Variants in PATL2 observed in about 807,000 individuals in gnomAD.
PATL2 encodes the protein PAT1 homolog 2, also known as protein PAT1 homolog 2.
PATL2 carries 73 observed loss-of-function variants against 77.0 expected under a neutral mutation model. The ratio of observed to expected loss-of-function variants is 0.95; its 90% CI spans 0.78 to 1.15. The LOEUF (loss-of-function observed/expected upper bound fraction) is 1.15, where lower values mean the gene tolerates loss of function less well. PATL2 is among the 50% of genes most tolerant of loss of function. PATL2 has a pLI of 0.00. For synonymous variants in PATL2, 265 were observed against 257.1 expected, an observed-to-expected ratio of 1.03 and a Z score of -0.29; for missense variants, 618 against 655.4, an observed-to-expected ratio of 0.94 and a Z score of 0.62.
intron 3 of PATL2, among the ~76,000 whole-genome samples, chr15:44,705,979 T>C (rs1455000800): frequency 6.6e-6 from 1 of 152,068 alleles, no homozygotes; most frequent in Non-Finnish European, 1.5e-5. Flanking sequence ...TTTGTATTTT[T>C]AGTAGAGATA....
chr15:44,698,992 T>C (rs1172625696), intron 3 of PATL2, among the ~76,000 whole-genome samples: 2 of 152,222 alleles, frequency 1.3e-5, no homozygotes, highest in Admixed American at 1.3e-4. Flanking sequence ...TGTCTGATGA[T>C]CAATGATGGT....
chr15:44,669,109 G>A lies in PATL2; in HGVS notation c.1095C>T (p.Leu365=), dbSNP rs2085530438. ...CCAGGGCCTTCCCCTTCCTCACAGA[G>A]AGCACCTGCAGGAAGCCATCTGCTG... is the stretch of plus-strand genomic sequence containing the variant. The part of the protein sequence containing the change: ...EEAADGFLQV[L]SVRKGKALVA... The change falls in exon 14 of 18, where the codon CTC becomes CTT. Residue 365 remains leucine (L), a synonymous_variant. Coordinates refer to ENST00000682850, the MANE Select transcript of PATL2 (RefSeq NM_001387263.1). The A allele has an allele frequency of 6.5e-7, 1 of 1,546,958 alleles. No homozygotes were observed. Among genetic ancestry groups the A allele is most frequent in the African/African-American group, 1.4e-5 (1 of 72,960 alleles).
chr15:44,685,649 G>A (rs971117224), intron 3 of PATL2, among the ~76,000 whole-genome samples: 2 of 151,828 alleles, frequency 1.3e-5, no homozygotes, highest in African/African-American at 4.8e-5. Flanking sequence ...TCAGTGTGCT[G>A]TATTCAGGAG....
chr15:44,671,763 C>T (rs543803928), intron 9 of PATL2, among the ~76,000 whole-genome samples: 4 of 152,260 alleles, frequency 2.6e-5, no homozygotes, highest in African/African-American at 7.2e-5. Flanking sequence ...AAATTCTTAG[C>T]AAAGAGTAGA....
At chr15:44,666,630 C>T (rs1157245894) in intron 16 of PATL2, 89 bp from the exon 17 acceptor site, 2 of 1,330,302 alleles carry the variant, frequency 1.5e-6, no homozygotes, top group African/African-American at 1.5e-5. Context: ...TCCGTTACTA[C>T]TACCATTGTC....
intron 4 of PATL2, 185 bp downstream of exon 4, chr15:44,676,290 G>T: frequency 1.6e-6 from 1 of 620,138 alleles, no homozygotes; most frequent in Non-Finnish European, 2.9e-6. Flanking sequence ...AATTTTACTA[G>T]GTTGGTGAGA....
intron 3 of PATL2, among the ~76,000 whole-genome samples, chr15:44,692,652 T>G (rs2086417801): frequency 6.6e-6 from 1 of 152,160 alleles, no homozygotes; most frequent in Admixed American, 6.5e-5. Context: ...AACACTGAGA[T>G]CAGATGGATA....
intron 3 of PATL2, among the ~76,000 whole-genome samples, 144 bp downstream of exon 3, chr15:44,709,952 A>C (rs577548463): frequency 6.6e-6 from 1 of 152,328 alleles, no homozygotes; most frequent in Admixed American, 6.5e-5. Context: ...AAAAGGGGGA[A>C]AAGGGAGGGA....
At chr15:44,692,330 G>GA (rs982472188) in intron 3 of PATL2, among the ~76,000 whole-genome samples, 3 of 151,900 alleles carry the variant, frequency 2.0e-5, no homozygotes, top group African/African-American at 7.3e-5. Context: ...TTTATAATTA[G>GA]AAAAAATAAA....
chr15:44,671,875 G>A lies in PATL2; in HGVS notation c.657+140C>T, dbSNP rs988977930. 1.3e-4 allele frequency: 135 copies of A among 1,022,818 alleles called. 1 individual carries two copies. Among genetic ancestry groups the A allele is most frequent in the Middle Eastern group, 6.6e-4 (2 of 3,044 alleles). 63.4% of individuals were successfully genotyped at this position (1,022,818 alleles called of 1,614,324 possible). A position where few individuals can be genotyped will look rare whatever the true frequency, so the allele number is the denominator to read the frequency against. ...TTTGGGATGTCAATTTTAGAAATACGGCCCCCATCCTGTAGTGATTCTCTC... is the reference window on the plus strand; with the variant it reads ...TTTGGGATGTCAATTTTAGAAATACAGCCCCCATCCTGTAGTGATTCTCTC... On this transcript the variant is annotated intron_variant, in intron 9 of 17. Coordinates refer to ENST00000682850, the MANE Select transcript of PATL2 (RefSeq NM_001387263.1).
chr15:44,678,777 C>A (rs1595974119), intron 3 of PATL2, among the ~76,000 whole-genome samples: 1 of 152,006 alleles, frequency 6.6e-6, no homozygotes, highest in East Asian at 1.9e-4. Flanking sequence ...GAGACCCCAT[C>A]TCTATTAAAA....
In PATL2 at chr15:44,669,504, T is replaced by C. The variant is rs1244652270; in HGVS notation, c.930+6A>G. ...GGAACTCGTCCCTAAGGAACTGATA[T>C]CTCACCTTCTCAATCCGGTATAATA... On this transcript the variant is annotated splice_donor_region_variant and intron_variant, in intron 12 of 17. Transcript: ENST00000682850. 5 of 1,551,014 alleles carry C rather than the reference T, an allele frequency of 3.2e-6. No homozygotes were observed. Among genetic ancestry groups the C allele is most frequent in the African/African-American group, 1.4e-5 (1 of 73,012 alleles).
intron 3 of PATL2, among the ~76,000 whole-genome samples, chr15:44,689,716 T>C (rs2086343845): frequency 6.6e-6 from 1 of 151,554 alleles, no homozygotes; most frequent in Admixed American, 6.6e-5. Flanking sequence ...TGTTGTGGGG[T>C]GGGGGACTAG....
intron 3 of PATL2, among the ~76,000 whole-genome samples, chr15:44,686,799 A>G (rs2086267854): frequency 1.3e-5 from 2 of 152,358 alleles, no homozygotes; most frequent in Non-Finnish European, 2.9e-5. Context: ...AAACTAGAAA[A>G]TCTAGAAGAA....
At chr15:44,678,024 T>TA (rs1566859232) in intron 3 of PATL2, among the ~76,000 whole-genome samples, 8 of 150,982 alleles carry the variant, frequency 5.3e-5, no homozygotes, top group African/African-American at 2.0e-4. Context: ...ATATATATAT[T>TA]TTTTTTCAGT....
Position 44,675,680 on chromosome 15 carries a change from T to C in PATL2, c.28A>G (p.Thr10Ala). Reference sequence around the variant, plus strand: ...TCCTCAGAAGCCAAGGGGCCACAGGTCTTACCTGGCCCTTGGTTTAAGTGT... The same window carrying C: ...TCCTCAGAAGCCAAGGGGCCACAGGCCTTACCTGGCCCTTGGTTTAAGTGT... MNCLEGPGK[T>A]CGPLASEEEL... The change falls in exon 5 of 18, where the codon ACC (threonine) becomes GCC (alanine). Residue 10 changes from threonine (T) to alanine (A), a missense_variant. Thr to Ala is a moderately conservative substitution (Grantham distance 58). Coordinates refer to ENST00000682850, the MANE Select transcript of PATL2 (RefSeq NM_001387263.1). 1 of 1,549,624 alleles carries C rather than the reference T, an allele frequency of 6.5e-7. No homozygotes were observed. The highest frequency in any genetic ancestry group is 8.7e-7 in the Non-Finnish European group (1 of 1,145,868).
intron 3 of PATL2, among the ~76,000 whole-genome samples, chr15:44,677,925 C>T (rs2086027109): frequency 6.6e-6 from 1 of 152,144 alleles, no homozygotes; most frequent in Admixed American, 6.5e-5. Context: ...CTGCAGCCTC[C>T]ACCTCCCGGG....
At chr15:44,673,094 G>C in intron 7 of PATL2, 141 bp downstream of exon 7, 1 of 1,154,144 alleles carries the variant, frequency 8.7e-7, no homozygotes, top group Non-Finnish European at 1.2e-6. Context: ...GGGCTAATTT[G>C]TGAGGGAGAC....
intron 8 of PATL2, 34 bp from the exon 9 acceptor site, chr15:44,672,190 C>T (rs1200124890): frequency 2.6e-6 from 4 of 1,551,468 alleles, no homozygotes; most frequent in Non-Finnish European, 3.5e-6. Flanking sequence ...TTTAGACTTA[C>T]CCACCACTGG....
Sources: gnomAD v4.1 joint callset for allele counts (sites outside exome capture counted in the v4.1 genomes callset) on GRCh38, gnomAD v4.1.1 for gene constraint, MANE v1.5 for transcripts, NCBI Gene and HGNC (gene_info 2026-07-23, HGNC 2026-07-21) for gene names.